CDH18: variants seen among roughly 807,000 people sequenced by gnomAD.
CDH18 encodes cadherin 18, also known as cadherin-18.
Under a neutral mutation model 67.9 loss-of-function variants are expected in CDH18, and 31 were observed. The ratio of observed to expected loss-of-function variants is 0.46; its 90% CI spans 0.34 to 0.62. The LOEUF is 0.62. CDH18 is among the 20% of genes least tolerant of loss of function. The probability of loss-of-function intolerance (pLI) is 0.01; values close to 1 mark genes in which losing one functional copy is unlikely to be tolerated. For missense variants in CDH18, 890 were observed against 975.5 expected (o/e 0.91, Z 1.17); for synonymous variants, 362 against 347.2 (o/e 1.04, Z -0.48).
intron 9 of CDH18, among the ~76,000 whole-genome samples, chr5:19,534,225 T>G (rs1225928469): frequency 6.6e-6 from 1 of 152,118 alleles, no homozygotes; most frequent in Non-Finnish European, 1.5e-5. Context: ...TTTGTTACAA[T>G]AATTCATCCA....
chr5:19,937,310 A>G (rs1468604101), intron 2 of CDH18, among the ~76,000 whole-genome samples: 2 of 151,320 alleles, frequency 1.3e-5, no homozygotes, highest in Non-Finnish European at 3.0e-5. Flanking sequence ...AGCACTTGCA[A>G]TGTAATATGA....
intron 7 of CDH18, among the ~76,000 whole-genome samples, chr5:19,590,011 T>G (rs1325773276): frequency 6.6e-6 from 1 of 152,128 alleles, no homozygotes; most frequent in Non-Finnish European, 1.5e-5. Context: ...TCTAGGAATT[T>G]ATGTGATATT....
chr5:19,901,579 G>A (rs754239012), intron 2 of CDH18, among the ~76,000 whole-genome samples: 3 of 152,016 alleles, frequency 2.0e-5, no homozygotes, highest in Non-Finnish European at 2.9e-5. Flanking sequence ...CAGGTATGAT[G>A]TGATGTATCT....
At chr5:19,587,044 C>T (rs1454855663) in intron 7 of CDH18, among the ~76,000 whole-genome samples, 1 of 151,548 alleles carries the variant, frequency 6.6e-6, no homozygotes, top group Non-Finnish European at 1.5e-5. Flanking sequence ...CCTTTGCCCA[C>T]TTTTTAATGA....
chr5:19,548,481 G>T (rs984347994), intron 8 of CDH18, among the ~76,000 whole-genome samples: 7 of 151,866 alleles, frequency 4.6e-5, no homozygotes, highest in African/African-American at 1.7e-4. Context: ...ACTTAAATGC[G>T]TATATGAGTT....
At chr5:19,523,028 A>T (rs1237080719) in intron 9 of CDH18, among the ~76,000 whole-genome samples, 1 of 152,042 alleles carries the variant, frequency 6.6e-6, no homozygotes, top group Non-Finnish European at 1.5e-5. Context: ...CCAAAGACCC[A>T]CTATACATAG....
At chr5:20,130,242 A>G (rs1749158094) in intron 2 of CDH18, among the ~76,000 whole-genome samples, 6 of 151,910 alleles carry the variant, frequency 3.9e-5, no homozygotes, top group Admixed American at 3.3e-4. Context: ...ATATACAGAG[A>G]GTGAGAGACA....
At chr5:19,969,480 G>A (rs1043783503) in intron 2 of CDH18, among the ~76,000 whole-genome samples, 6 of 150,042 alleles carry the variant, frequency 4.0e-5, no homozygotes, top group African/African-American at 1.5e-4. Flanking sequence ...TTAAGAAAAT[G>A]TGGCACATAT....
chr5:19,887,651 C>T (rs1788357272), intron 2 of CDH18, among the ~76,000 whole-genome samples: 1 of 151,722 alleles, frequency 6.6e-6, no homozygotes, highest in Non-Finnish European at 1.5e-5. Flanking sequence ...TCACTGTAGC[C>T]TTAACCCCCT....
intron 1 of CDH18, among the ~76,000 whole-genome samples, chr5:20,400,667 C>A (rs956214984): frequency 2.0e-5 from 3 of 150,416 alleles, no homozygotes; most frequent in African/African-American, 7.3e-5. Context: ...GAGGCTGAGG[C>A]ACGATAATTG....
Position 20,197,696 on chromosome 5 carries a change from A to C in CDH18, c.-518+57748T>G, listed in dbSNP as rs535591636. On this transcript the variant is annotated intron_variant, in intron 2 of 14. Transcript: ENST00000507958. ...TTCTGGGAAAGATTAGAGTCAGAAT[A>C]CTGTATGACTGTTTAGAGAGCATTA... Among the ~76,000 whole-genome samples, 3 of 152,304 alleles carry C rather than the reference A, an allele frequency of 2.0e-5. No individual in the cohort carries two copies. The South Asian group carries it at 6.2e-4, about 32-fold the overall frequency.
intron 1 of CDH18, among the ~76,000 whole-genome samples, chr5:20,526,618 T>A (rs1756083181): frequency 1.3e-5 from 2 of 151,930 alleles, no homozygotes. Flanking sequence ...GTAAACAGGG[T>A]CTGGAGTGGG....
intron 5 of CDH18, among the ~76,000 whole-genome samples, chr5:19,697,365 A>C (rs1285820759): frequency 1.3e-5 from 2 of 152,194 alleles, no homozygotes; most frequent in Non-Finnish European, 2.9e-5. Flanking sequence ...GAACTACATA[A>C]AACTGATGCA....
chr5:19,552,502 G>C (rs1296140044), intron 8 of CDH18, among the ~76,000 whole-genome samples: 1 of 152,024 alleles, frequency 6.6e-6, no homozygotes, highest in Non-Finnish European at 1.5e-5. Context: ...ATATGAGGGA[G>C]AAAACGTTGA....
chr5:20,027,887 G>A (rs1378537340), intron 2 of CDH18, among the ~76,000 whole-genome samples: 4 of 152,170 alleles, frequency 2.6e-5, no homozygotes, highest in African/African-American at 9.7e-5. Flanking sequence ...TCTGGGGAAG[G>A]TTAGATTAAG....
intron 1 of CDH18, among the ~76,000 whole-genome samples, chr5:20,565,756 T>A (rs1400268638): frequency 2.5e-4 from 35 of 142,470 alleles, no homozygotes; most frequent in African/African-American, 2.6e-4. Flanking sequence ...TACGTTATGA[T>A]AAAAAAAAAA....
intron 9 of CDH18, among the ~76,000 whole-genome samples, chr5:19,531,051 G>A (rs1446559472): frequency 1.3e-5 from 2 of 152,158 alleles, no homozygotes; most frequent in Non-Finnish European, 2.9e-5. Context: ...CATCGCTCAC[G>A]CTGGGAGCTG....
At chr5:20,405,122 T>C (rs1746122290) in intron 1 of CDH18, among the ~76,000 whole-genome samples, 1 of 152,140 alleles carries the variant, frequency 6.6e-6, no homozygotes, top group Non-Finnish European at 1.5e-5. Flanking sequence ...AGAGCCCACA[T>C]TGCCAAGTCA....
chr5:20,305,312 C>G, intron 1 of CDH18: 1 of 1,568,626 alleles, frequency 6.4e-7, no homozygotes, highest in Non-Finnish European at 8.8e-7. Context: ...TCGAATCCAA[C>G]ATTTCTGCGC....
Sources: allele counts gnomAD v4.1 joint callset (sites outside exome capture counted in the v4.1 genomes callset), GRCh38; gene constraint gnomAD v4.1.1; transcripts MANE v1.5; gene names NCBI Gene and HGNC (gene_info 2026-07-23, HGNC 2026-07-21).